Variants in TDRD12 observed in about 807,000 individuals in gnomAD.
TDRD12 encodes the protein putative ATP-dependent RNA helicase TDRD12.
TDRD12 carries 158 observed loss-of-function variants against 133.5 expected under a neutral mutation model. That is an observed-to-expected ratio of 1.18 (90% CI 1.04 to 1.35). TDRD12 has a LOEUF of 1.35. Among genes scored for constraint, TDRD12 ranks in the 40% most tolerant of loss-of-function variants. The pLI, the probability that TDRD12 is intolerant of heterozygous loss-of-function variation, is 0.00. For synonymous variants in TDRD12, 460 were observed against 477.9 expected (o/e 0.96, Z 0.49); for missense variants, 1,443 against 1,321.3 (o/e 1.09, Z -1.43).
intron 22 of TDRD12, 93 bp from the exon 23 acceptor site, chr19:32,810,000 G>T (rs904628894): frequency 1.2e-6 from 1 of 801,928 alleles, no homozygotes; most frequent in Non-Finnish European, 1.7e-6. Context: ...GGTTTCTTAG[G>T]TTGGGTACTG....
intron 10 of TDRD12, among the ~76,000 whole-genome samples, chr19:32,774,589 C>G (rs1184878826): frequency 1.3e-5 from 2 of 152,096 alleles, no homozygotes; most frequent in Non-Finnish European, 2.9e-5. Flanking sequence ...TGCATTGTTC[C>G]CAGCACTGCC....
At chr19:32,740,809 G>A (rs1969402823) in intron 3 of TDRD12, among the ~76,000 whole-genome samples, 2 of 152,216 alleles carry the variant, frequency 1.3e-5, no homozygotes, top group African/African-American at 4.8e-5. Flanking sequence ...GCTTAAATGA[G>A]GGAGGGTGTG....
chr19:32,756,261 CTT>C, intron 7 of TDRD12, 80 bp downstream of exon 7: 2 of 1,198,210 alleles, frequency 1.7e-6, no homozygotes, highest in East Asian at 3.2e-5. Flanking sequence ...GTTGTACAGA[CTT>C]TTCCCCACAT....
At chr19:32,768,748 G>A (rs758143020) in intron 8 of TDRD12, among the ~76,000 whole-genome samples, 10 of 152,114 alleles carry the variant, frequency 6.6e-5, no homozygotes, top group Admixed American at 2.0e-4. Flanking sequence ...CAGCTCTTGA[G>A]CCCTGTTACT....
intron 1 of TDRD12, among the ~76,000 whole-genome samples, chr19:32,729,778 CTTTTTTTTT>C (rs1162347194): frequency 1.4e-5 from 1 of 73,660 alleles, no homozygotes; most frequent in Non-Finnish European, 2.4e-5. Context: ...TTTTCTTTTT[CTTTTTTTTT>C]TTTTTTTTTT....
chr19:32,763,721 C>T (rs1231354801), intron 8 of TDRD12, among the ~76,000 whole-genome samples: 1 of 152,216 alleles, frequency 6.6e-6, no homozygotes, highest in African/African-American at 2.4e-5. Context: ...CCCCTGACCC[C>T]GGAGTTTTAA....
rs1971269799 is a variant in TDRD12 at position 32,797,681 on chromosome 19, A to G, written c.1474-54A>G. ...GAGATGTTCTTGATGTTTCATATGGATGCTGAATTCCTAACTACTGTCTGG... is the reference window on the plus strand; with the variant it reads ...GAGATGTTCTTGATGTTTCATATGGGTGCTGAATTCCTAACTACTGTCTGG... On this transcript the variant is annotated intron_variant, in intron 14 of 27. Coordinates refer to ENST00000444215, the Ensembl canonical transcript of TDRD12. 3 of 589,866 alleles carry G rather than the reference A, an allele frequency of 5.1e-6. No homozygotes were observed. In the South Asian group the frequency reaches 6.6e-5, roughly 13 times the overall value. 36.5% of individuals were successfully genotyped at this position (589,866 alleles called of 1,614,324 possible).
At position 32,803,208 on chromosome 19, in the gene TDRD12, A is replaced by T. The variant is rs1317049119; in HGVS notation, c.2552+66A>T. On this transcript the variant is annotated intron_variant, in intron 21 of 27. Transcript: ENST00000444215. Reference sequence around the variant, plus strand: ...CTGCAGTAAGGTGCACAGCTGTTGCAATGTGGTGAATTGTCATGTATCTAG... The same window carrying T: ...CTGCAGTAAGGTGCACAGCTGTTGCTATGTGGTGAATTGTCATGTATCTAG... The T allele has an allele frequency of 3.3e-6, 4 of 1,204,208 alleles. No homozygotes were observed. The East Asian group carries it at 7.7e-5, about 23-fold the overall frequency. The allele number at this position is 1,204,208 out of a possible 1,614,324, so 74.6% of individuals were successfully genotyped here.
At chr19:32,779,002 A>T (rs899674114) in intron 11 of TDRD12, among the ~76,000 whole-genome samples, 15 of 152,160 alleles carry the variant, frequency 9.9e-5, no homozygotes, top group African/African-American at 2.9e-4. Flanking sequence ...GGACACAGGG[A>T]TGACCTGGTG....
chr19:32,824,155 T>A (rs1357175482), downstream of TDRD12: 1 of 152,610 alleles, frequency 6.6e-6, no homozygotes, highest in Non-Finnish European at 1.5e-5. Context: ...TTCTTCATGG[T>A]TCTTCTTGCC....
intron 11 of TDRD12, among the ~76,000 whole-genome samples, chr19:32,784,566 C>T (rs894792201): frequency 2.0e-5 from 3 of 152,134 alleles, no homozygotes; most frequent in African/African-American, 4.8e-5. Flanking sequence ...AGGAATGGTA[C>T]CAGCTGCTCT....
At chr19:32,777,275 AATAAAATT>A in intron 11 of TDRD12, 46 bp downstream of exon 11, 2 of 1,145,254 alleles carry the variant, frequency 1.7e-6, no homozygotes, top group Non-Finnish European at 1.2e-6. Flanking sequence ...AAATAATTAT[AATAAAATT>A]ATAAACAAGA....
intron 1 of TDRD12, among the ~76,000 whole-genome samples, chr19:32,729,998 G>A (rs192617852): frequency 6.6e-6 from 1 of 151,804 alleles, no homozygotes; most frequent in Admixed American, 6.6e-5. Flanking sequence ...CATCGTGTTA[G>A]CTAGGATGGT....
At chr19:32,741,059 A>ATTGTGATAAGAGGTGTCTATTTTGT (rs1969410261) in intron 3 of TDRD12, among the ~76,000 whole-genome samples, 1 of 152,084 alleles carries the variant, frequency 6.6e-6, no homozygotes, top group African/African-American at 2.4e-5. Context: ...AATAGACTTG[A>ATTGTGATAAGAGGTGTCTATTTTGT]TTGTGATAAG....
chr19:32,775,958 C>T (rs1970571583), intron 10 of TDRD12, among the ~76,000 whole-genome samples: 1 of 152,008 alleles, frequency 6.6e-6, no homozygotes, highest in African/African-American at 2.4e-5. Context: ...AGCAGGAGGT[C>T]GGTACCTCCA....
chr19:32,783,066 T>A (rs4805809), intron 11 of TDRD12, among the ~76,000 whole-genome samples: 89,603 of 152,042 alleles, frequency 0.59, 27,275 homozygotes, highest in East Asian at 0.83. Context: ...GGTATTGCCC[T>A]GGTTTTCTTC....
intron 27 of TDRD12, among the ~76,000 whole-genome samples, chr19:32,819,386 T>C (rs1023882970): frequency 2.0e-5 from 3 of 151,838 alleles, no homozygotes; most frequent in Non-Finnish European, 4.4e-5. Context: ...TTAATAAAAA[T>C]GGATACCTAT....
At chr19:32,770,373 T>A (rs1970412318) in intron 8 of TDRD12, among the ~76,000 whole-genome samples, 1 of 152,148 alleles carries the variant, frequency 6.6e-6, no homozygotes, top group Admixed American at 6.6e-5. Flanking sequence ...TGCCTCCTCT[T>A]GAATTGACCA....
chr19:32,800,620 A>T, intron 17 of TDRD12, 24 bp from the exon 18 acceptor site: 1 of 1,518,538 alleles, frequency 6.6e-7, no homozygotes, highest in South Asian at 1.3e-5. Flanking sequence ...AAAAAGTCAC[A>T]TTGTTTCTGT....
Sources: allele counts gnomAD v4.1 joint callset (sites outside exome capture counted in the v4.1 genomes callset), GRCh38; gene constraint gnomAD v4.1.1; transcripts MANE v1.5; gene names NCBI Gene and HGNC (gene_info 2026-07-23, HGNC 2026-07-21).